The following NUP210 variants were observed in gnomAD, a reference collection of about 807,000 sequenced individuals.
NUP210 encodes nuclear pore membrane glycoprotein 210.
A neutral mutation model predicts 196.0 loss-of-function variants in NUP210; 151 were observed. The ratio of observed to expected loss-of-function variants is 0.77; its 90% CI spans 0.67 to 0.88. The LOEUF (loss-of-function observed/expected upper bound fraction) is 0.88. Ranked by LOEUF, NUP210 falls within the 40% of genes least tolerant of loss-of-function variation. The pLI is 0.00. For missense variants in NUP210, 2,314 were observed against 2,493.7 expected (o/e 0.93, Z 1.53); for synonymous variants, 1,070 against 1,052.7 (o/e 1.02, Z -0.32).
chr3:13,337,079 G>C (rs1038261748), intron 26 of NUP210, 161 bp from the exon 27 acceptor site: 1 of 777,978 alleles, frequency 1.3e-6, no homozygotes, highest in Non-Finnish European at 2.0e-6. Context: ...AATATCAAAC[G>C]AGCAAACCAG....
At chr3:13,399,658 G>C (rs1699771377) in intron 2 of NUP210, 67 bp downstream of exon 2, 1 of 1,607,542 alleles carries the variant, frequency 6.2e-7, no homozygotes, top group Non-Finnish European at 8.5e-7. Flanking sequence ...CTAGGACCCT[G>C]GGTCTTAGTG....
intron 1 of NUP210, among the ~76,000 whole-genome samples, chr3:13,417,580 T>C (rs189285063): frequency 1.6e-4 from 25 of 152,338 alleles, no homozygotes; most frequent in African/African-American, 5.8e-4. Context: ...CCAGAGCAGA[T>C]TCTTCAAAAC....
At position 13,420,103 on chromosome 3, in the gene NUP210, G is replaced by A; in HGVS notation, c.124C>T (p.Arg42Cys). The A allele has an allele frequency of 7.2e-7, 1 of 1,379,744 alleles. No homozygotes were observed. The allele number at this position is 1,379,744 out of a possible 1,614,324, so 85.5% of individuals were successfully genotyped here. A position where few individuals can be genotyped will look rare whatever the true frequency, so the allele number is the denominator to read the frequency against. The change falls in exon 1 of 40, where the codon CGC becomes TGC. Residue 42 changes from arginine (R) to cysteine (C), a missense_variant. Physicochemically the swap from Arg to Cys is radical, Grantham distance 180 (BLOSUM62 -3). Coordinates refer to ENST00000254508, the MANE Select transcript of NUP210 (RefSeq NM_024923.4). This position sits in a 1 kb window ranked among gnomAD's most constrained non-coding sequence, Gnocchi z 4.8. ...KVLLPFTRAT[R>C]VNFTLEASEG... ...GAGGCCTCCAGCGTGAAGTTAACGC[G>A]CGTGGCCCGCGTGAAGGGCAGCAGC...
chr3:13,391,976 A>T (rs1699506076), intron 3 of NUP210, among the ~76,000 whole-genome samples: 1 of 152,058 alleles, frequency 6.6e-6, no homozygotes, highest in African/African-American at 2.4e-5. Context: ...GAAAGGATGA[A>T]GATCCACCCA....
rs1406987560 is a variant in NUP210, at chr3:13,372,043, G to A, written c.1588-11C>T. On this transcript the variant is annotated splice_polypyrimidine_tract_variant and intron_variant, in intron 12 of 39. Transcript: ENST00000254508. ...CTCGATCACATACACCTGGAAGACA[G>A]GGGCATGGCCTGGGCTCAGCTGCCT... 3 of 1,557,654 alleles carry A rather than the reference G, an allele frequency of 1.9e-6. No homozygotes were observed. The highest frequency in any genetic ancestry group is 4.7e-5 in the East Asian group (2 of 42,578).
At position 13,347,421 on chromosome 3, in the gene NUP210, C is replaced by A; in HGVS notation, c.2836-4118G>T. 7 of 751,246 alleles carry A rather than the reference C, an allele frequency of 9.3e-6. No individual in the cohort carries two copies. Among genetic ancestry groups the A allele is most frequent in the Non-Finnish European group, 1.1e-5 (7 of 616,326 alleles). 46.5% of individuals were successfully genotyped at this position (751,246 alleles called of 1,614,324 possible). ...AAAGAAGGAAAACTTAGGCTTAAAT[C>A]GGATAAACACTCCTATGTGCAAACC... On this transcript the variant is annotated intron_variant, in intron 20 of 39. Transcript: ENST00000254508. The surrounding 1 kb of genome is among the most constrained non-coding windows in gnomAD (Gnocchi z 4.7).
At chr3:13,320,940 G>A (rs1277541994) in intron 36 of NUP210, among the ~76,000 whole-genome samples, 1 of 150,098 alleles carries the variant, frequency 6.7e-6, no homozygotes, top group Non-Finnish European at 1.5e-5. Context: ...CCAAGCACCA[G>A]CTCTCCAAGG....
At chr3:13,394,147 G>A (rs931954278) in intron 3 of NUP210, among the ~76,000 whole-genome samples, 3 of 152,136 alleles carry the variant, frequency 2.0e-5, no homozygotes, top group African/African-American at 4.8e-5. Flanking sequence ...CCTGGAGGAG[G>A]GGACACCTGA....
rs138985690 is a variant in NUP210 at position 13,327,224 on chromosome 3, G to A, written c.4500C>T (p.Ser1500=). 893 of 1,612,424 alleles carry A rather than the reference G, an allele frequency of 5.5e-4. 7 individuals carry two copies. In the African/African-American group the frequency reaches 0.011, roughly 20 times the overall value. Residue 1500 remains serine, a synonymous_variant, in exon 32 of 40, where the codon AGC becomes AGT. Coordinates refer to ENST00000254508, the MANE Select transcript of NUP210 (RefSeq NM_024923.4). The stretch of plus-strand genomic sequence containing the variant: ...GCTCAGGATCTATCTTACCTTCCAG[G>A]CTGGTCAGAACAGTGGCCAGACAGA... ...DVLCLATVLT[S]LEGLSGTWSS... is the part of the protein sequence containing the mutation.
intron 30 of NUP210, 21 bp from the exon 31 acceptor site, chr3:13,328,967 A>G (rs202148279): frequency 2.6e-5 from 41 of 1,607,228 alleles, no homozygotes; most frequent in Non-Finnish European, 3.4e-5. Flanking sequence ...ACATACAGGT[A>G]TGATGAGGAT....
rs577269270 is a variant in NUP210 at position 13,397,523 on chromosome 3, A to G, written c.305-35T>C. 19 of 1,542,322 alleles carry G rather than the reference A, an allele frequency of 1.2e-5. No individual in the cohort carries two copies. The African/African-American group carries it at 1.8e-4, about 15-fold the overall frequency. The stretch of plus-strand genomic sequence containing the variant: ...CCCCAGGAAGGGGTCAGCACCAAAG[A>G]CAGTCCCCGCCCCTGGCTCCACTTC... On this transcript the variant is annotated intron_variant, in intron 2 of 39. Coordinates refer to ENST00000254508, the MANE Select transcript of NUP210 (RefSeq NM_024923.4).
chr3:13,327,378 A>C lies in NUP210; in HGVS notation c.4346T>G (p.Val1449Gly). The change falls in exon 32 of 40, where the codon GTC (valine) becomes GGC (glycine). Residue 1449 changes from valine (V) to glycine (G), a missense_variant. By Grantham distance (109) the Val-to-Gly change is moderately radical (BLOSUM62 -3). Transcript: ENST00000254508. ...ACGGAGCAGTGTCAGGCCCACGCTG[A>C]CTGTGCGGACAACGCAGGTGTTGTT... is the stretch of plus-strand genomic sequence containing the variant. The part of the protein sequence containing the change: ...PTNNTCVVRT[V>G]SVGLTLLRVW... The C allele has an allele frequency of 6.2e-7, 1 of 1,613,490 alleles. No individual in the cohort carries two copies. The highest frequency in any genetic ancestry group is 8.5e-7 in the Non-Finnish European group (1 of 1,180,002).
Position 13,336,924 on chromosome 3 carries a change from G to A in NUP210, c.3553-6C>T, listed in dbSNP as rs1697240287. 6.2e-7 allele frequency: 1 copy of A among 1,612,990 alleles called. No homozygotes were observed. The highest frequency in any genetic ancestry group is 8.5e-7 in the Non-Finnish European group (1 of 1,179,468). On this transcript the variant is annotated splice_region_variant and splice_polypyrimidine_tract_variant and intron_variant, in intron 26 of 39. Transcript: ENST00000254508. Reference sequence around the variant, plus strand: ...CCGGTGACATAGATGGGCATCTGCAGGGGAGAAGTCAGGCCCAGTGAGCAG... The same window carrying A: ...CCGGTGACATAGATGGGCATCTGCAAGGGAGAAGTCAGGCCCAGTGAGCAG...
intron 4 of NUP210, 125 bp downstream of exon 4, chr3:13,391,086 C>A: frequency 1.5e-6 from 1 of 670,186 alleles, no homozygotes; most frequent in South Asian, 1.7e-5. Context: ...ATGTTACGGG[C>A]ATCCTAGGAG....
At chr3:13,365,843 G>C in intron 14 of NUP210, 103 bp downstream of exon 14, 1 of 1,273,972 alleles carries the variant, frequency 7.8e-7, no homozygotes, top group Non-Finnish European at 1.1e-6. Context: ...AAGCTATTTT[G>C]AAGGAATCGG....
At chr3:13,342,899 A>G (rs1333208685) in intron 21 of NUP210, among the ~76,000 whole-genome samples, 1 of 152,232 alleles carries the variant, frequency 6.6e-6, no homozygotes, top group East Asian at 1.9e-4. Context: ...GCCAGAAGAC[A>G]TGAATTCCCA....
At chr3:13,375,719 C>G in intron 10 of NUP210, 78 bp from the exon 11 acceptor site, 1 of 1,486,750 alleles carries the variant, frequency 6.7e-7, no homozygotes, top group Non-Finnish European at 9.2e-7. Context: ...GGACCCCCAC[C>G]CCTCCCTGGG....
In NUP210 at chr3:13,358,279, G is replaced by C. The variant is rs376591241; in HGVS notation, c.2271C>G (p.Val757=). The change falls in exon 16 of 40, where the codon GTC becomes GTG. Residue 757 remains valine, a synonymous_variant. Transcript: ENST00000254508. Reference sequence around the variant, plus strand: ...ACATGTCCAGCTGGGGGCTGGTGTAGACAGGCGCGAGGGTGAGCCTGGACG... The same window carrying C: ...ACATGTCCAGCTGGGGGCTGGTGTACACAGGCGCGAGGGTGAGCCTGGACG... The part of the protein sequence containing the change: ...APPSRLTLAP[V]YTSPQLDMSC... 6.2e-7 allele frequency: 1 copy of C among 1,613,744 alleles called. No individual in the cohort carries two copies. Among genetic ancestry groups the C allele is most frequent in the Non-Finnish European group, 8.5e-7 (1 of 1,179,916 alleles).
chr3:13,407,987 T>C (rs1576426911), intron 1 of NUP210, among the ~76,000 whole-genome samples: 2 of 152,124 alleles, frequency 1.3e-5, no homozygotes, highest in African/African-American at 2.4e-5. Flanking sequence ...ACAGATAAAA[T>C]GCTGGGAGGG....
Sources: gnomAD v4.1 joint callset for allele counts (sites outside exome capture counted in the v4.1 genomes callset) on GRCh38, gnomAD v4.1.1 for gene constraint, Gnocchi (gnomAD v3.1) non-coding constraint, MANE v1.5 for transcripts, NCBI Gene and HGNC (gene_info 2026-07-23, HGNC 2026-07-21) for gene names.